The following TBC1D22A variants were observed in gnomAD, a reference collection of about 807,000 sequenced individuals.
TBC1D22A encodes the protein putative GTPase activator.
In TBC1D22A, 38 loss-of-function variants were observed where a neutral mutation model predicts 60.2. The ratio of observed to expected loss-of-function variants is 0.63; its 90% CI spans 0.49 to 0.83. TBC1D22A has a LOEUF of 0.83. Among genes scored for constraint, TBC1D22A ranks in the 40% least tolerant of loss-of-function variants. The pLI is 0.00. For missense variants in TBC1D22A, 628 were observed against 701.0 expected (o/e 0.90, Z 1.18); for synonymous variants, 302 against 281.7 (o/e 1.07, Z -0.72).
chr22:46,985,406 G>T (rs754993323), intron 9 of TBC1D22A, among the ~76,000 whole-genome samples: 7 of 152,144 alleles, frequency 4.6e-5, no homozygotes, highest in Non-Finnish European at 1.0e-4. Flanking sequence ...TAAAATTGAG[G>T]ACTCCTGCCA....
At chr22:46,956,523 G>T (rs764299099) in intron 8 of TBC1D22A, among the ~76,000 whole-genome samples, 2 of 152,206 alleles carry the variant, frequency 1.3e-5, no homozygotes, top group South Asian at 2.1e-4. Flanking sequence ...TTCTTTGTCC[G>T]TATAGAGAGA....
intron 1 of TBC1D22A, among the ~76,000 whole-genome samples, chr22:46,770,377 T>A (rs768161824): frequency 8.5e-5 from 13 of 152,242 alleles, no homozygotes; most frequent in Non-Finnish European, 1.8e-4. Context: ...GGCTGACGCC[T>A]GGACTTCAGT....
intron 8 of TBC1D22A, chr22:46,916,011 G>C: frequency 2.2e-6 from 1 of 460,332 alleles, no homozygotes; most frequent in South Asian, 1.6e-5. Flanking sequence ...AATCTGGAGA[G>C]ATGAGCTTTA....
intron 1 of TBC1D22A, among the ~76,000 whole-genome samples, chr22:46,771,396 T>C (rs2083472851): frequency 6.6e-6 from 1 of 152,044 alleles, no homozygotes; most frequent in Non-Finnish European, 1.5e-5. Flanking sequence ...CATGAGTAAG[T>C]TCTTTAGTGG....
intron 8 of TBC1D22A, among the ~76,000 whole-genome samples, chr22:46,942,008 CATATATATATATATATATT>C (rs1569250312): frequency 7.5e-6 from 1 of 133,630 alleles, no homozygotes; most frequent in Admixed American, 7.7e-5. Context: ...CACCAGCATA[CATATATATATATATATATT>C]ATATATATAT....
At chr22:46,908,852 G>T (rs958882252) in intron 7 of TBC1D22A, among the ~76,000 whole-genome samples, 1 of 152,152 alleles carries the variant, frequency 6.6e-6, no homozygotes, top group Non-Finnish European at 1.5e-5. Context: ...GATTTGCCCC[G>T]TAGTGCATAG....
At chr22:47,110,880 C>T (rs1041281316) in intron 11 of TBC1D22A, among the ~76,000 whole-genome samples, 4 of 152,138 alleles carry the variant, frequency 2.6e-5, no homozygotes, top group African/African-American at 9.7e-5. Context: ...CCTGGGTTTC[C>T]GGGATGAGTA....
rs2074908475 is a variant in TBC1D22A, at chr22:46,990,782, C to T, written c.1126-6852C>T. Among the ~76,000 whole-genome samples, 1 of 152,194 alleles carries T rather than the reference C, an allele frequency of 6.6e-6. No individual in the cohort carries two copies. Among genetic ancestry groups the T allele is most frequent in the African/African-American group, 2.4e-5 (1 of 41,438 alleles). ...GCTCCTGCTGCGGTGGCTTCTCTCC[C>T]CGTTGGCTTGCTGGCTGTCTCCCTC... is the stretch of plus-strand genomic sequence containing the variant. On this transcript the variant is annotated intron_variant, in intron 9 of 12. Coordinates refer to ENST00000337137, the MANE Select transcript of TBC1D22A (RefSeq NM_014346.5). The surrounding 1 kb of genome is among the most constrained non-coding windows in gnomAD (Gnocchi z 4.6).
At chr22:47,153,825 G>A (rs145551743) in intron 12 of TBC1D22A, among the ~76,000 whole-genome samples, 1 of 152,318 alleles carries the variant, frequency 6.6e-6, no homozygotes, top group East Asian at 1.9e-4. Context: ...TGTCGCCAGA[G>A]ATCAAGGTAA....
chr22:46,792,829 G>C (rs561486368), intron 2 of TBC1D22A: 1 of 1,439,296 alleles, frequency 6.9e-7, no homozygotes, highest in East Asian at 2.5e-5. Flanking sequence ...GGGAGAGCCA[G>C]GAGCTGGCAT....
Position 46,884,929 on chromosome 22 carries a change from C to T in TBC1D22A, c.708+6206C>T, listed in dbSNP as rs575282499. Among the ~76,000 whole-genome samples the T allele has an allele frequency of 3.3e-3, 495 of 152,186 alleles. 2 individuals are homozygous for T. Among genetic ancestry groups the T allele is most frequent in the African/African-American group, 0.011 (470 of 41,532 alleles). On this transcript the variant is annotated intron_variant, in intron 5 of 12. Coordinates refer to ENST00000337137, the MANE Select transcript of TBC1D22A (RefSeq NM_014346.5). ...CTCTTGGTCAGAGAGGCAGGAAGGG[C>T]CAGGCCCGCAGGAGCCGTCAGCCTA...
At chr22:46,963,444 G>C (rs1374849691) in intron 8 of TBC1D22A, among the ~76,000 whole-genome samples, 1 of 113,988 alleles carries the variant, frequency 8.8e-6, no homozygotes, top group African/African-American at 3.3e-5. Flanking sequence ...GTGGTGTTCT[G>C]CTTTCTCCCG....
intron 12 of TBC1D22A, among the ~76,000 whole-genome samples, chr22:47,152,777 G>A (rs768181394): frequency 2.6e-5 from 4 of 152,164 alleles, no homozygotes; most frequent in African/African-American, 4.8e-5. Flanking sequence ...AGAAAGCATC[G>A]GCCGTGGCGG....
intron 10 of TBC1D22A, among the ~76,000 whole-genome samples, chr22:47,013,906 G>A (rs1022777918): frequency 2.0e-5 from 3 of 152,184 alleles, no homozygotes; most frequent in African/African-American, 7.2e-5. Context: ...GGTCTGTGTC[G>A]CTGCACACGG....
chr22:46,892,834 A>G (rs765356861), intron 6 of TBC1D22A, among the ~76,000 whole-genome samples: 7 of 152,238 alleles, frequency 4.6e-5, no homozygotes, highest in Non-Finnish European at 7.3e-5. Context: ...GTGATAGGTA[A>G]TAAAAAGGTT....
At chr22:46,875,321 T>C (rs131864) in intron 4 of TBC1D22A, among the ~76,000 whole-genome samples, 4 of 152,164 alleles carry the variant, frequency 2.6e-5, no homozygotes, top group Non-Finnish European at 5.9e-5. Flanking sequence ...ACTGTTTATA[T>C]GAATTGCAAG....
chr22:47,127,967 C>T lies in TBC1D22A; in HGVS notation c.1425+16364C>T, dbSNP rs187722834. Among the ~76,000 whole-genome samples the T allele has an allele frequency of 1.4e-3, 143 of 102,776 alleles. 1 individual carries two copies. The highest frequency in any genetic ancestry group is 4.9e-3 in the African/African-American group (142 of 28,806). The allele number at this position is 102,776 out of a possible 152,430, so 67.4% of individuals were successfully genotyped here. ...TCTCCTCCACCCCACCCGTCCTTCC[C>T]TCCACCCCACCCATCCCCCCATCCT... On this transcript the variant is annotated intron_variant, in intron 12 of 12. Coordinates refer to ENST00000337137, the MANE Select transcript of TBC1D22A (RefSeq NM_014346.5).
intron 11 of TBC1D22A, among the ~76,000 whole-genome samples, chr22:47,037,924 A>T (rs893497016): frequency 1.4e-4 from 22 of 152,290 alleles, no homozygotes; most frequent in African/African-American, 2.2e-4. Context: ...AAGATTTTTT[A>T]AAAAATCACA....
chr22:46,900,113 A>AT (rs1262826510), intron 7 of TBC1D22A, among the ~76,000 whole-genome samples: 4 of 145,282 alleles, frequency 2.8e-5, no homozygotes, highest in Admixed American at 2.0e-4. Flanking sequence ...AAATTCACGT[A>AT]TTTTAGGTTT....
Sources: gnomAD v4.1 joint callset for allele counts (sites outside exome capture counted in the v4.1 genomes callset) on GRCh38, gnomAD v4.1.1 for gene constraint, Gnocchi (gnomAD v3.1) non-coding constraint, MANE v1.5 for transcripts, NCBI Gene and HGNC (gene_info 2026-07-23, HGNC 2026-07-21) for gene names.